The following CLDN1 variants were observed in gnomAD, a reference collection of about 807,000 sequenced individuals.
CLDN1 encodes the protein claudin 1.
A neutral mutation model predicts 22.6 loss-of-function variants in CLDN1; 12 were observed. The ratio of observed to expected loss-of-function variants is 0.53; its 90% CI spans 0.34 to 0.86. The LOEUF (loss-of-function observed/expected upper bound fraction) is 0.86, where lower values mean the gene tolerates loss of function less well. Among genes scored for constraint, CLDN1 ranks in the 40% least tolerant of loss-of-function variants. The pLI is 0.02. For missense variants in CLDN1, 250 were observed against 269.5 expected (o/e 0.93, Z 0.51); for synonymous variants, 99 against 103.8 (o/e 0.95, Z 0.28).
chr3:190,309,029 A>C (rs1195398204), intron 3 of CLDN1, among the ~76,000 whole-genome samples: 2 of 152,140 alleles, frequency 1.3e-5, no homozygotes, highest in East Asian at 3.9e-4. Flanking sequence ...ATTATGGACA[A>C]TACGGAAGAG....
Position 190,308,167 on chromosome 3 carries a change from CCATACTT to C in CLDN1, c.*103_*109del. 1 of 1,271,108 alleles carries C rather than the reference CCATACTT, an allele frequency of 7.9e-7. No homozygotes were observed. The highest frequency in any genetic ancestry group is 1.1e-6 in the Non-Finnish European group (1 of 872,366). 78.7% of individuals were successfully genotyped at this position (1,271,108 alleles called of 1,614,324 possible). A position where few individuals can be genotyped will look rare whatever the true frequency, so the allele number is the denominator to read the frequency against. Reference sequence around the variant, plus strand: ...TTGTTTGTTTGTTTGTTTTGTAATACCATACTTCAGATTACAATACCCAAAATTCTAA... The same window carrying C: ...TTGTTTGTTTGTTTGTTTTGTAATACCAGATTACAATACCCAAAATTCTAA... On this transcript the variant is annotated 3_prime_UTR_variant, in exon 4 of 4. Coordinates refer to ENST00000295522, the MANE Select transcript of CLDN1 (RefSeq NM_021101.5).
chr3:190,309,160 G>A (rs1051429762), intron 3 of CLDN1, among the ~76,000 whole-genome samples: 7 of 152,152 alleles, frequency 4.6e-5, no homozygotes, highest in Non-Finnish European at 1.5e-5. Context: ...TACTCTCAAA[G>A]CAGGATAATC....
rs908148538 is a variant in CLDN1 at position 190,322,256 on chromosome 3, G to A, written c.-50C>T. ...CTCAGGGGTGGCAGGTGCAGAAGGC[G>A]GAGAGTTTGCAGGTGGGCAACCCGG... is the stretch of plus-strand genomic sequence containing the variant. On this transcript the variant is annotated 5_prime_UTR_variant, in exon 1 of 4. Coordinates refer to ENST00000295522, the MANE Select transcript of CLDN1 (RefSeq NM_021101.5). 39 of 1,564,962 alleles carry A rather than the reference G, an allele frequency of 2.5e-5. No individual in the cohort carries two copies. Among genetic ancestry groups the A allele is most frequent in the Middle Eastern group, 2.2e-4 (1 of 4,646 alleles).
At chr3:190,310,457 T>G (rs1274725322) in intron 2 of CLDN1, among the ~76,000 whole-genome samples, 1 of 152,192 alleles carries the variant, frequency 6.6e-6, no homozygotes, top group African/African-American at 2.4e-5. Flanking sequence ...TAGGTTGGCA[T>G]TAGACAAAAT....
At chr3:190,309,120 G>A (rs1278546664) in intron 3 of CLDN1, among the ~76,000 whole-genome samples, 5 of 152,162 alleles carry the variant, frequency 3.3e-5, no homozygotes, top group Non-Finnish European at 5.9e-5. Context: ...TTCTGGGATA[G>A]CAACTTCACC....
intron 1 of CLDN1, among the ~76,000 whole-genome samples, chr3:190,316,738 T>G (rs998992981): frequency 9.9e-5 from 15 of 152,226 alleles, no homozygotes; most frequent in Non-Finnish European, 1.8e-4. Flanking sequence ...TTATCAAATT[T>G]CAATAAATTT....
intron 1 of CLDN1, among the ~76,000 whole-genome samples, chr3:190,320,331 G>T (rs1577392715): frequency 6.6e-6 from 1 of 152,166 alleles, no homozygotes; most frequent in South Asian, 2.1e-4. Context: ...ATTGTCCTTA[G>T]AAACCTCCAC....
At chr3:190,315,799 G>A (rs560477498) in intron 1 of CLDN1, among the ~76,000 whole-genome samples, 3 of 152,236 alleles carry the variant, frequency 2.0e-5, no homozygotes, top group Admixed American at 6.5e-5. Flanking sequence ...TGCCCAGCAG[G>A]TCTGAGCACT....
Position 190,321,812 on chromosome 3 carries a change from G to A in CLDN1, c.223+172C>T, listed in dbSNP as rs893051. 6.6e-6 allele frequency among the ~76,000 whole-genome samples: 1 copy of A among 151,952 alleles called. No homozygotes were observed. The highest frequency in any genetic ancestry group is 1.5e-5 in the Non-Finnish European group (1 of 67,974). Reference sequence around the variant, plus strand: ...AAACTAGAGCTTATGCCTGGGCGTCGCTTTCCTCAAACCAGGATTCTCTTC... The same window carrying A: ...AAACTAGAGCTTATGCCTGGGCGTCACTTTCCTCAAACCAGGATTCTCTTC... On this transcript the variant is annotated intron_variant, in intron 1 of 3. Coordinates refer to ENST00000295522, the MANE Select transcript of CLDN1 (RefSeq NM_021101.5).
In CLDN1 at chr3:190,309,552, T is replaced by C. The variant is rs139320691; in HGVS notation, c.473+617A>G. Among the ~76,000 whole-genome samples the C allele has an allele frequency of 2.8e-4, 43 of 152,340 alleles. No homozygotes were observed. The East Asian group carries it at 5.6e-3, about 20-fold the overall frequency. ...AGACAGTGAGATGAAGAGCCTCGTC[T>C]CTGATTAAAGAATGTTGTTACACGA... On this transcript the variant is annotated intron_variant, in intron 3 of 3. Coordinates refer to ENST00000295522, the MANE Select transcript of CLDN1 (RefSeq NM_021101.5).
rs1177969043 is a variant in CLDN1 at position 190,313,014 on chromosome 3, G to C, written c.246C>G (p.Ala82=). ...CCAGGAGGATGCCAACCACCATCAA[G>C]GCACGGGTTGCTTGCAATGTGCCTG... ...NLSSTLQATR[A]LMVVGILLGV... Residue 82 remains alanine (A), a synonymous_variant, in exon 2 of 4, where the codon GCC becomes GCG. Coordinates refer to ENST00000295522, the MANE Select transcript of CLDN1 (RefSeq NM_021101.5). 4 of 1,613,986 alleles carry C rather than the reference G, an allele frequency of 2.5e-6. No individual in the cohort carries two copies. The African/African-American group carries it at 5.3e-5, about 22-fold the overall frequency.
Position 190,308,134 on chromosome 3 carries a change from T to C in CLDN1, c.*143A>G, listed in dbSNP as rs2108605149. ...GTTTAGCACTGAGTATTTTAACACA[T>C]GGGTTTTTTGTTTGTTTGTTTGTTT... On this transcript the variant is annotated 3_prime_UTR_variant, in exon 4 of 4. Transcript: ENST00000295522. 1.0e-6 allele frequency: 1 copy of C among 973,762 alleles called. No homozygotes were observed. Among genetic ancestry groups the C allele is most frequent in the Non-Finnish European group, 1.6e-6 (1 of 617,540 alleles). 60.3% of individuals were successfully genotyped at this position (973,762 alleles called of 1,614,324 possible).
intron 1 of CLDN1, among the ~76,000 whole-genome samples, chr3:190,321,516 G>A (rs1170088174): frequency 2.0e-5 from 3 of 152,178 alleles, no homozygotes; most frequent in Non-Finnish European, 2.9e-5. Flanking sequence ...TCATATTAAA[G>A]GTTAAAAAGT....
At chr3:190,321,135 C>T (rs1389711460) in intron 1 of CLDN1, among the ~76,000 whole-genome samples, 1 of 152,206 alleles carries the variant, frequency 6.6e-6, no homozygotes, top group Non-Finnish European at 1.5e-5. Context: ...TTCTCTCTCA[C>T]TGCCTTCCAC....
At position 190,319,619 on chromosome 3, in the gene CLDN1, A is replaced by T. The variant is rs78953192; in HGVS notation, c.223+2365T>A. On this transcript the variant is annotated intron_variant, in intron 1 of 3. Transcript: ENST00000295522. ...TGCTAAAGCCCTGCATCTGGCCGGG[A>T]AGACAAGTGTGCTCTACTGGGAAAG... Among the ~76,000 whole-genome samples the T allele has an allele frequency of 8.2e-3, 1,248 of 152,334 alleles. 14 individuals carry two copies. Among genetic ancestry groups the T allele is most frequent in the African/African-American group, 0.026 (1,084 of 41,584 alleles).
In CLDN1 at chr3:190,322,044, C is replaced by T. The variant is rs1381480263; in HGVS notation, c.163G>A (p.Val55Met). ...TGGATCTGCCCGGTGCTCTGCGACACGCAGGACATCCACAGCCCCTCGTAC... is the reference window on the plus strand; with the variant it reads ...TGGATCTGCCCGGTGCTCTGCGACATGCAGGACATCCACAGCCCCTCGTAC... ...AMYEGLWMSC[V>M]SQSTGQIQCK... The change falls in exon 1 of 4, where the codon GTG becomes ATG. Residue 55 changes from valine to methionine, a missense_variant. Val to Met is a conservative substitution (Grantham distance 21). Coordinates refer to ENST00000295522, the MANE Select transcript of CLDN1 (RefSeq NM_021101.5). 1 of 1,614,188 alleles carries T rather than the reference C, an allele frequency of 6.2e-7. No individual in the cohort carries two copies. The highest frequency in any genetic ancestry group is 2.2e-5 in the East Asian group (1 of 44,870).
chr3:190,310,436 T>TA (rs947757093), intron 2 of CLDN1, among the ~76,000 whole-genome samples, 183 bp from the exon 3 acceptor site: 1 of 152,152 alleles, frequency 6.6e-6, no homozygotes, highest in Non-Finnish European at 1.5e-5. Flanking sequence ...TATTAAAATA[T>TA]AAAAAAATAC....
At chr3:190,312,721 G>T in intron 2 of CLDN1, 151 bp downstream of exon 2, 1 of 836,336 alleles carries the variant, frequency 1.2e-6, no homozygotes, top group South Asian at 1.5e-5. Flanking sequence ...TTTAGTTTGT[G>T]TTTGAGAACA....
At chr3:190,318,972 AG>A (rs961180604) in intron 1 of CLDN1, among the ~76,000 whole-genome samples, 32 of 152,272 alleles carry the variant, frequency 2.1e-4, no homozygotes, top group African/African-American at 7.7e-4. Flanking sequence ...ACAGAATCTC[AG>A]GGTTCGGTGA....
Sources: allele counts gnomAD v4.1 joint callset (sites outside exome capture counted in the v4.1 genomes callset), GRCh38; gene constraint gnomAD v4.1.1; transcripts MANE v1.5; gene names NCBI Gene and HGNC (gene_info 2026-07-23, HGNC 2026-07-21).